MIER1: variants seen among roughly 807,000 people sequenced by gnomAD.
MIER1 encodes MIER1 transcriptional regulator.
A neutral mutation model predicts 75.7 loss-of-function variants in MIER1; 40 were observed. That is an observed-to-expected ratio of 0.53 (90% CI 0.41 to 0.69). The LOEUF (loss-of-function observed/expected upper bound fraction) is 0.69. Among genes scored for constraint, MIER1 ranks in the 30% least tolerant of loss-of-function variants. The pLI, the probability that MIER1 is intolerant of heterozygous loss-of-function variation, is 0.00. For synonymous variants in MIER1, 213 were observed against 223.4 expected (o/e 0.95, Z 0.42); for missense variants, 574 against 680.2 (o/e 0.84, Z 1.74).
intron 2 of MIER1, among the ~76,000 whole-genome samples, chr1:66,926,918 A>G (rs1279461415): frequency 6.6e-6 from 1 of 152,164 alleles, no homozygotes; most frequent in Non-Finnish European, 1.5e-5. Flanking sequence ...ATAGGTTTAT[A>G]TAGTATATAT....
chr1:66,943,116 T>C (rs1656648021), intron 3 of MIER1, among the ~76,000 whole-genome samples: 2 of 152,140 alleles, frequency 1.3e-5, no homozygotes, highest in Non-Finnish European at 2.9e-5. Flanking sequence ...ATAGCATTAT[T>C]TGTAGGGATA....
In MIER1 at chr1:66,946,216, A is replaced by T; in HGVS notation, c.260A>T (p.Asp87Val). The change falls in exon 4 of 14, where the codon GAT becomes GTT. Residue 87 changes from aspartate to valine, a missense_variant. By Grantham distance (152) the Asp-to-Val change is radical (BLOSUM62 -3). Coordinates refer to ENST00000401041, the MANE Select transcript of MIER1 (RefSeq NM_001077700.3). ...GCTGACATGCTGGTTCATGATTTTG[A>T]TGATGAACGAACATTAGAAGAGGAA... Reference protein sequence around the residue: ...PSADMLVHDFDDERTLEEEEM... With the variant: ...PSADMLVHDFVDERTLEEEEM... The T allele has an allele frequency of 6.2e-7, 1 of 1,612,342 alleles. No individual in the cohort carries two copies. The highest frequency in any genetic ancestry group is 8.5e-7 in the Non-Finnish European group (1 of 1,179,630).
At chr1:66,947,322 T>A (rs1434706825) in intron 4 of MIER1, 1 of 152,222 alleles carries the variant, frequency 6.6e-6, no homozygotes, top group Non-Finnish European at 1.5e-5. Context: ...ACATTTCTGC[T>A]TGCTTAACTA....
At chr1:66,940,386 T>C (rs1570163075) in intron 3 of MIER1, among the ~76,000 whole-genome samples, 1 of 151,638 alleles carries the variant, frequency 6.6e-6, no homozygotes, top group East Asian at 1.9e-4. Flanking sequence ...ATCATTAGCT[T>C]AGAAATATTT....
At chr1:66,943,900 A>G (rs1656841514) in intron 3 of MIER1, among the ~76,000 whole-genome samples, 1 of 152,180 alleles carries the variant, frequency 6.6e-6, no homozygotes. Context: ...TGTTAGGATT[A>G]GTATACCCAG....
intron 7 of MIER1, among the ~76,000 whole-genome samples, chr1:66,962,708 C>G (rs966010983): frequency 6.6e-6 from 1 of 152,202 alleles, no homozygotes; most frequent in Non-Finnish European, 1.5e-5. Flanking sequence ...ACTGATGCTG[C>G]TCATATAGGG....
At chr1:66,943,597 C>G (rs1037194840) in intron 3 of MIER1, among the ~76,000 whole-genome samples, 15 of 150,030 alleles carry the variant, frequency 1.0e-4, no homozygotes, top group African/African-American at 3.7e-4. Flanking sequence ...TTCTTCCTTT[C>G]TTTTTTGAGA....
In MIER1 at chr1:66,985,404, A is replaced by C. The variant is rs1221109907; in HGVS notation, c.*504A>C. 1.0e-5 allele frequency: 10 copies of C among 983,040 alleles called. No homozygotes were observed. Among genetic ancestry groups the C allele is most frequent in the Non-Finnish European group, 1.2e-5 (10 of 827,838 alleles). The allele number at this position is 983,040 out of a possible 1,614,324, so 60.9% of individuals were successfully genotyped here. Reference sequence around the variant, plus strand: ...CAGTTTGAGTATCTTTATTAAGGAAACCCTTACGAATCCTGAAAATTATGC... The same window carrying C: ...CAGTTTGAGTATCTTTATTAAGGAACCCCTTACGAATCCTGAAAATTATGC... On this transcript the variant is annotated 3_prime_UTR_variant, in exon 14 of 14. Transcript: ENST00000401041.
intron 5 of MIER1, among the ~76,000 whole-genome samples, chr1:66,958,490 C>T (rs1660617427): frequency 6.6e-6 from 1 of 151,616 alleles, no homozygotes; most frequent in South Asian, 2.1e-4. Context: ...AATGCTATTG[C>T]TTTTAAATAA....
rs1477319377 is a variant in MIER1, at chr1:66,937,944, C to T, written c.169-2084C>T. 2.6e-5 allele frequency among the ~76,000 whole-genome samples: 4 copies of T among 152,126 alleles called. No individual in the cohort carries two copies. The East Asian group carries it at 5.8e-4, about 22-fold the overall frequency. On this transcript the variant is annotated intron_variant, in intron 2 of 13. Coordinates refer to ENST00000401041, the MANE Select transcript of MIER1 (RefSeq NM_001077700.3). ...TATGGATACTAAATGTATCTGTAGG[C>T]AGACCACTCCTAGTTCTCCACTTGT...
intron 6 of MIER1, among the ~76,000 whole-genome samples, 157 bp downstream of exon 6, chr1:66,959,140 G>A (rs1660737532): frequency 6.6e-6 from 1 of 152,084 alleles, no homozygotes; most frequent in Non-Finnish European, 1.5e-5. Flanking sequence ...TAGCAATGCA[G>A]GGTCCCTGTT....
intron 11 of MIER1, 34 bp from the exon 12 acceptor site, chr1:66,976,561 G>A: frequency 6.5e-7 from 1 of 1,528,828 alleles, no homozygotes; most frequent in Non-Finnish European, 8.8e-7. Flanking sequence ...TGTTAAAAAG[G>A]AGATTCTTAA....
chr1:66,939,952 T>G, intron 2 of MIER1, 76 bp from the exon 3 acceptor site: 1 of 1,175,954 alleles, frequency 8.5e-7, no homozygotes, highest in Non-Finnish European at 1.3e-6. Context: ...ATAGTAGTCA[T>G]TGAATAATTT....
chr1:66,963,024 C>A, intron 7 of MIER1, 64 bp from the exon 8 acceptor site: 2 of 1,144,722 alleles, frequency 1.7e-6, no homozygotes, highest in South Asian at 1.3e-5. Context: ...GATGGTAAGG[C>A]TAGAAAATGG....
chr1:66,985,062 A>G lies in MIER1; in HGVS notation c.*162A>G. ...GGTTTCATAATTCTGCCTTTTGCAG[A>G]TTTTTTTACTTTAAAGCTGTCAGAC... On this transcript the variant is annotated 3_prime_UTR_variant, in exon 14 of 14. Transcript: ENST00000401041. The G allele has an allele frequency of 9.6e-6, 13 of 1,355,922 alleles. No homozygotes were observed. Among genetic ancestry groups the G allele is most frequent in the Non-Finnish European group, 1.2e-5 (13 of 1,053,908 alleles). The allele number at this position is 1,355,922 out of a possible 1,614,324, so 84.0% of individuals were successfully genotyped here. A position where few individuals can be genotyped will look rare whatever the true frequency, so the allele number is the denominator to read the frequency against.
intron 5 of MIER1, among the ~76,000 whole-genome samples, chr1:66,958,488 T>G (rs1034046393): frequency 6.6e-6 from 1 of 152,076 alleles, no homozygotes; most frequent in African/African-American, 2.4e-5. Context: ...AAAATGCTAT[T>G]GCTTTTAAAT....
chr1:66,988,550 T>A lies in MIER1; in HGVS notation c.*3650T>A, dbSNP rs1184053900. 10 of 151,944 alleles carry A rather than the reference T, an allele frequency of 6.6e-5. No homozygotes were observed. The highest frequency in any genetic ancestry group is 2.4e-4 in the African/African-American group (10 of 41,434). The allele number at this position is 151,944 out of a possible 1,614,324, so 9.4% of individuals were successfully genotyped here. A position where few individuals can be genotyped will look rare whatever the true frequency, so the allele number is the denominator to read the frequency against. On this transcript the variant is annotated 3_prime_UTR_variant, in exon 14 of 14. Coordinates refer to ENST00000401041, the MANE Select transcript of MIER1 (RefSeq NM_001077700.3). ...TTTTCCTTTTCAGAATATGATTATTTTCAATTTGTCTTTAGTTAGTATAAA... is the reference window on the plus strand; with the variant it reads ...TTTTCCTTTTCAGAATATGATTATTATCAATTTGTCTTTAGTTAGTATAAA...
intron 8 of MIER1, among the ~76,000 whole-genome samples, chr1:66,966,065 T>TA (rs747790144): frequency 7.2e-5 from 11 of 152,266 alleles, no homozygotes; most frequent in Non-Finnish European, 1.2e-4. Context: ...CTTTAAGTTC[T>TA]AGGGTACATG....
intron 13 of MIER1, 105 bp downstream of exon 13, chr1:66,982,023 A>C: frequency 8.5e-7 from 1 of 1,177,984 alleles, no homozygotes; most frequent in Non-Finnish European, 1.2e-6. Context: ...CAGAGCAGAA[A>C]GTAAAAAATG....
Sources: gnomAD v4.1 joint callset for allele counts (sites outside exome capture counted in the v4.1 genomes callset) on GRCh38, gnomAD v4.1.1 for gene constraint, MANE v1.5 for transcripts, NCBI Gene and HGNC (gene_info 2026-07-23, HGNC 2026-07-21) for gene names.